The following AKAP6 variants were observed in gnomAD, a reference collection of about 807,000 sequenced individuals.
AKAP6 encodes A-kinase anchoring protein 6, also known as A-kinase anchor protein 6.
Under a neutral mutation model 188.5 loss-of-function variants are expected in AKAP6, and 58 were observed. The observed-to-expected ratio is 0.31, with a 90% CI of 0.25 to 0.38. The LOEUF (loss-of-function observed/expected upper bound fraction) is 0.38, where lower values mean the gene tolerates loss of function less well. AKAP6 is among the 10% of genes least tolerant of loss of function. The probability of loss-of-function intolerance (pLI) is 1.00; values close to 1 mark genes in which losing one functional copy is unlikely to be tolerated. For synonymous variants in AKAP6, 989 were observed against 998.6 expected, an observed-to-expected ratio of 0.99 and a Z score of 0.18; for missense variants, 2,710 against 2,740.0, an observed-to-expected ratio of 0.99 and a Z score of 0.24.
intron 7 of AKAP6, among the ~76,000 whole-genome samples, chr14:32,673,012 C>T (rs570358292): frequency 4.5e-4 from 69 of 152,332 alleles, no homozygotes; most frequent in African/African-American, 1.6e-3. Context: ...CATCCTCCAT[C>T]GTCTATCCAC....
At chr14:32,509,120 C>CTT (rs368423502) in intron 2 of AKAP6, among the ~76,000 whole-genome samples, 189 of 94,742 alleles carry the variant, frequency 2.0e-3, no homozygotes, top group East Asian at 3.8e-3. Context: ...TGCCCTGCCT[C>CTT]TTTTTTTTTT....
At chr14:32,774,658 A>AAAAG (rs1415838619) in intron 12 of AKAP6, among the ~76,000 whole-genome samples, 1 of 152,200 alleles carries the variant, frequency 6.6e-6, no homozygotes, top group Non-Finnish European at 1.5e-5. Flanking sequence ...TTATCGATAA[A>AAAAG]AAAGATTGCA....
chr14:32,333,309 C>G (rs1886590543), intron 1 of AKAP6, among the ~76,000 whole-genome samples: 1 of 151,992 alleles, frequency 6.6e-6, no homozygotes, highest in Non-Finnish European at 1.5e-5. Flanking sequence ...ATTTATAATC[C>G]TAGAACCCAT....
At chr14:32,489,524 T>C (rs1423060578) in intron 2 of AKAP6, among the ~76,000 whole-genome samples, 1 of 152,214 alleles carries the variant, frequency 6.6e-6, no homozygotes, top group African/African-American at 2.4e-5. Flanking sequence ...CTCTTGTTTT[T>C]AAATTGCTAC....
intron 11 of AKAP6, among the ~76,000 whole-genome samples, chr14:32,749,475 G>A (rs760677541): frequency 1.6e-4 from 25 of 152,064 alleles, no homozygotes; most frequent in Non-Finnish European, 2.9e-4. Context: ...TTTAGCACAC[G>A]GTAGCAGTCT....
chr14:32,827,862 T>C (rs542581777), intron 13 of AKAP6, among the ~76,000 whole-genome samples: 1 of 152,316 alleles, frequency 6.6e-6, no homozygotes, highest in African/African-American at 2.4e-5. Context: ...TCAGGCTGGA[T>C]AAATCCCGTG....
chr14:32,717,985 C>T (rs1227379084), intron 9 of AKAP6, among the ~76,000 whole-genome samples: 1 of 152,108 alleles, frequency 6.6e-6, no homozygotes, highest in Non-Finnish European at 1.5e-5. Flanking sequence ...ACTCCATTGT[C>T]ACTTTGTATG....
intron 7 of AKAP6, among the ~76,000 whole-genome samples, chr14:32,620,810 G>GTT (rs146437719): frequency 1.4e-5 from 2 of 147,962 alleles, no homozygotes; most frequent in African/African-American, 2.5e-5. Flanking sequence ...TTCACTGGCA[G>GTT]TTTTTTTTTT....
intron 2 of AKAP6, among the ~76,000 whole-genome samples, chr14:32,511,644 T>A (rs1362805710): frequency 1.3e-5 from 2 of 152,224 alleles, no homozygotes; most frequent in Non-Finnish European, 2.9e-5. Flanking sequence ...CCCAAAGTGC[T>A]AGGATTACAG....
chr14:32,540,517 A>G (rs1448883314), intron 3 of AKAP6, among the ~76,000 whole-genome samples: 2 of 152,172 alleles, frequency 1.3e-5, no homozygotes, highest in Non-Finnish European at 2.9e-5. Context: ...AACATGTTAA[A>G]TGGAGGTATA....
At chr14:32,407,463 G>GT (rs2138636397) in intron 1 of AKAP6, among the ~76,000 whole-genome samples, 1 of 152,332 alleles carries the variant, frequency 6.6e-6, no homozygotes, top group Admixed American at 6.5e-5. Flanking sequence ...AGAGCAATGA[G>GT]TGTGAGGGCA....
At chr14:32,826,565 G>A (rs2034678705) in intron 13 of AKAP6, among the ~76,000 whole-genome samples, 1 of 152,200 alleles carries the variant, frequency 6.6e-6, no homozygotes, top group South Asian at 2.1e-4. Flanking sequence ...ATGACATCAT[G>A]TGACTGTGAC....
At position 32,610,046 on chromosome 14, in the gene AKAP6, G is replaced by A. The variant is rs139050417; in HGVS notation, c.2730+9254G>A. ...TTTATATAACATATTCTATTAATGC[G>A]GTTAGCACTCACAACGGGCTTACTA... On this transcript the variant is annotated intron_variant, in intron 7 of 13. Transcript: ENST00000280979. Among the ~76,000 whole-genome samples the A allele has an allele frequency of 3.3e-3, 507 of 152,116 alleles. 1 individual carries two copies. Among genetic ancestry groups the A allele is most frequent in the African/African-American group, 0.012 (484 of 41,490 alleles).
chr14:32,514,843 G>A (rs1881436938), intron 2 of AKAP6, among the ~76,000 whole-genome samples: 1 of 152,142 alleles, frequency 6.6e-6, no homozygotes, highest in Non-Finnish European at 1.5e-5. Context: ...ACCCAGCATA[G>A]CAACTAAGGA....
intron 2 of AKAP6, among the ~76,000 whole-genome samples, chr14:32,439,615 A>G (rs1036337128): frequency 1.3e-5 from 2 of 152,060 alleles, no homozygotes; most frequent in Admixed American, 6.5e-5. Context: ...GCTACCTCAG[A>G]TGGCAGTGGT....
At chr14:32,757,108 G>A (rs745859910) in intron 11 of AKAP6, among the ~76,000 whole-genome samples, 18 of 152,132 alleles carry the variant, frequency 1.2e-4, no homozygotes, top group Non-Finnish European at 2.1e-4. Flanking sequence ...TTGTGCTGCC[G>A]AGGCTTGGGG....
intron 12 of AKAP6, among the ~76,000 whole-genome samples, chr14:32,776,915 G>T (rs140988900): frequency 6.6e-6 from 1 of 152,078 alleles, no homozygotes; most frequent in South Asian, 2.1e-4. Context: ...CAGACAGGGC[G>T]CACCGGAGAT....
chr14:32,827,493 G>A (rs751511954), intron 13 of AKAP6, among the ~76,000 whole-genome samples: 4 of 152,028 alleles, frequency 2.6e-5, no homozygotes, highest in Non-Finnish European at 5.9e-5. Context: ...TTTATTTACT[G>A]TGTTCTAATT....
chr14:32,363,968 A>T (rs1463460291), intron 1 of AKAP6, among the ~76,000 whole-genome samples: 1 of 152,338 alleles, frequency 6.6e-6, no homozygotes, highest in East Asian at 1.9e-4. Context: ...TAATGGAAGG[A>T]GATGCATTGT....
Sources: allele counts gnomAD v4.1 joint callset (sites outside exome capture counted in the v4.1 genomes callset), GRCh38; gene constraint gnomAD v4.1.1; transcripts MANE v1.5; gene names NCBI Gene and HGNC (gene_info 2026-07-23, HGNC 2026-07-21).